Variants in NAV3 observed in about 807,000 individuals in gnomAD.
NAV3 encodes neuron navigator 3, also known as pore membrane and/or filament interacting like protein 1.
A neutral mutation model predicts 244.7 loss-of-function variants in NAV3; 87 were observed. The observed-to-expected ratio is 0.36, with a 90% CI of 0.30 to 0.42. NAV3 has a LOEUF of 0.42. Ranked by LOEUF, NAV3 falls within the 20% of genes least tolerant of loss-of-function variation. The pLI is 1.00. For synonymous variants in NAV3, 1,126 were observed against 1,042.2 expected (o/e 1.08, Z -1.55); for missense variants, 2,663 against 2,893.3 (o/e 0.92, Z 1.83).
chr12:77,968,888 A>T (rs1181297685), intron 5 of NAV3, among the ~76,000 whole-genome samples, 186 bp downstream of exon 5: 1 of 152,178 alleles, frequency 6.6e-6, no homozygotes, highest in African/African-American at 2.4e-5. Context: ...AACATCTATC[A>T]TCTTTTGGGT....
chr12:77,980,182 A>G (rs1342208938), intron 5 of NAV3, among the ~76,000 whole-genome samples: 1 of 152,182 alleles, frequency 6.6e-6, no homozygotes, highest in African/African-American at 2.4e-5. Flanking sequence ...TCCCAAGAAA[A>G]AAACCCAGAT....
At chr12:77,659,678 C>T (rs1361681129) in intron 2 of NAV3, among the ~76,000 whole-genome samples, 1 of 152,104 alleles carries the variant, frequency 6.6e-6, no homozygotes, top group Non-Finnish European at 1.5e-5. Flanking sequence ...TATTGCGGCA[C>T]TATTCACAAT....
chr12:77,653,277 A>G (rs1442328144), intron 2 of NAV3, among the ~76,000 whole-genome samples: 1 of 152,194 alleles, frequency 6.6e-6, no homozygotes, highest in African/African-American at 2.4e-5. Context: ...GGTACCTAGC[A>G]GAGTGCCTGA....
At chr12:77,770,404 G>T (rs1187704203) in intron 2 of NAV3, among the ~76,000 whole-genome samples, 2 of 152,156 alleles carry the variant, frequency 1.3e-5, no homozygotes, top group Admixed American at 1.3e-4. Flanking sequence ...ATGTCATTGA[G>T]TTTGGGCATG....
chr12:78,029,701 G>A (rs1158678040), intron 9 of NAV3, among the ~76,000 whole-genome samples: 1 of 152,164 alleles, frequency 6.6e-6, no homozygotes, highest in Non-Finnish European at 1.5e-5. Context: ...GCTTGTGGTT[G>A]TTTGTGGTTG....
chr12:77,628,424 G>C (rs982637713), intron 2 of NAV3, among the ~76,000 whole-genome samples: 10 of 152,136 alleles, frequency 6.6e-5, no homozygotes, highest in African/African-American at 2.2e-4. Flanking sequence ...TGATTACAAA[G>C]TTAAAAATAG....
chr12:77,901,119 A>AT, intron 1 of NAV3, among the ~76,000 whole-genome samples: 1 of 152,280 alleles, frequency 6.6e-6, no homozygotes. Context: ...GATTCTGGAT[A>AT]TTAGGCCTTT....
At chr12:77,843,647 A>G (rs1369312548) in intron 1 of NAV3, among the ~76,000 whole-genome samples, 1 of 152,052 alleles carries the variant, frequency 6.6e-6, no homozygotes, top group South Asian at 2.1e-4. Context: ...AGAAATGATT[A>G]TAATGCAGAT....
intron 2 of NAV3, among the ~76,000 whole-genome samples, chr12:77,768,539 A>G (rs1869908335): frequency 1.3e-5 from 2 of 152,218 alleles, no homozygotes; most frequent in Admixed American, 1.3e-4. Context: ...AAGCACATGC[A>G]CATCCAGCTG....
intron 1 of NAV3, among the ~76,000 whole-genome samples, chr12:77,869,577 C>G (rs1880628118): frequency 6.6e-6 from 1 of 152,132 alleles, no homozygotes; most frequent in African/African-American, 2.4e-5. Context: ...TTCCATTACT[C>G]TTAACCTCGT....
At chr12:77,881,613 T>A (rs1391422860) in intron 1 of NAV3, among the ~76,000 whole-genome samples, 1 of 152,040 alleles carries the variant, frequency 6.6e-6, no homozygotes, top group East Asian at 1.9e-4. Context: ...TAACAGGCAT[T>A]CAAATAGGAA....
intron 1 of NAV3, among the ~76,000 whole-genome samples, chr12:77,886,779 T>C (rs1469775601): frequency 6.6e-6 from 1 of 152,176 alleles, no homozygotes; most frequent in African/African-American, 2.4e-5. Context: ...TGCCTATCAA[T>C]AAATAATCAT....
intron 1 of NAV3, among the ~76,000 whole-genome samples, chr12:77,855,552 C>A (rs567651860): frequency 3.9e-5 from 6 of 152,194 alleles, no homozygotes; most frequent in Non-Finnish European, 8.8e-5. Context: ...AGGTGGGGTA[C>A]AGAAGTGTAT....
chr12:78,173,775 A>G (rs1958104659), intron 24 of NAV3, among the ~76,000 whole-genome samples: 1 of 151,424 alleles, frequency 6.6e-6, no homozygotes, highest in African/African-American at 2.4e-5. Context: ...GTTTCTTCCT[A>G]TAAAATTTTT....
At chr12:77,677,236 T>C (rs961323393) in intron 2 of NAV3, among the ~76,000 whole-genome samples, 2 of 152,236 alleles carry the variant, frequency 1.3e-5, no homozygotes, top group Non-Finnish European at 1.5e-5. Flanking sequence ...TAATATGAAA[T>C]ACTGAATGAA....
Position 77,666,002 on chromosome 12 carries a change from T to A in NAV3, c.72+93736T>A, listed in dbSNP as rs114180375. Among the ~76,000 whole-genome samples the A allele has an allele frequency of 3.9e-5, 6 of 152,266 alleles. No homozygotes were observed. The South Asian group carries it at 1.2e-3, about 32-fold the overall frequency. On this transcript the variant is annotated intron_variant, in intron 2 of 8. Coordinates refer to the NAV3 transcript ENST00000550042. ...CCTAGGATAAACTCTTTTTGACAGA[T>A]TGCAAAAATGAGAAACCTATGTAAT...
intron 1 of NAV3, among the ~76,000 whole-genome samples, chr12:77,920,542 A>G (rs1887610820): frequency 1.3e-5 from 2 of 152,082 alleles, no homozygotes; most frequent in Admixed American, 1.3e-4. Flanking sequence ...TTCTGGAAAT[A>G]CAATTAACTT....
At chr12:77,965,544 G>T (rs181295266) in intron 3 of NAV3, among the ~76,000 whole-genome samples, 1 of 152,066 alleles carries the variant, frequency 6.6e-6, no homozygotes, top group Admixed American at 6.6e-5. Flanking sequence ...GCTTGAACCC[G>T]AGAGAGGGAG....
chr12:78,133,812 T>A (rs1956264429), intron 18 of NAV3, among the ~76,000 whole-genome samples: 1 of 152,040 alleles, frequency 6.6e-6, no homozygotes, highest in African/African-American at 2.4e-5. Flanking sequence ...TTTGGGAAAA[T>A]AACCCAATCT....
Sources: gnomAD v4.1 joint callset for allele counts (sites outside exome capture counted in the v4.1 genomes callset) on GRCh38, gnomAD v4.1.1 for gene constraint, MANE v1.5 for transcripts, NCBI Gene and HGNC (gene_info 2026-07-23, HGNC 2026-07-21) for gene names.